MTA3: variants seen among roughly 807,000 people sequenced by gnomAD.
MTA3 encodes the protein metastasis-associated protein MTA3.
In MTA3, 34 loss-of-function variants were observed where a neutral mutation model predicts 83.5. That is an observed-to-expected ratio of 0.41 (90% CI 0.31 to 0.54). The LOEUF (loss-of-function observed/expected upper bound fraction) is 0.54, where lower values mean the gene tolerates loss of function less well. MTA3 is among the 20% of genes least tolerant of loss of function. MTA3 has a pLI of 0.33. For synonymous variants in MTA3, 303 were observed against 252.7 expected (o/e 1.20, Z -1.89); for missense variants, 761 against 726.4 (o/e 1.05, Z -0.55).
At chr2:42,561,432 C>T (rs1313746263) in intron 2 of MTA3, among the ~76,000 whole-genome samples, 5 of 152,036 alleles carry the variant, frequency 3.3e-5, no homozygotes, top group African/African-American at 1.2e-4. Context: ...AAGCGATTCT[C>T]CTGCCTCAGC....
chr2:42,749,061 C>A (rs1315318851), intron 16 of MTA3, among the ~76,000 whole-genome samples: 2 of 152,232 alleles, frequency 1.3e-5, no homozygotes, highest in African/African-American at 2.4e-5. Context: ...GCTCCTTGAG[C>A]CTTCTAGCTG....
At chr2:42,722,796 T>A in intron 15 of MTA3, 93 bp from the exon 16 acceptor site, 1 of 1,415,678 alleles carries the variant, frequency 7.1e-7, no homozygotes, top group East Asian at 2.5e-5. Flanking sequence ...CTCAGCTCAT[T>A]AAGAAATAAG....
intron 6 of MTA3, among the ~76,000 whole-genome samples, chr2:42,654,988 T>C (rs1689031949): frequency 6.6e-6 from 1 of 152,232 alleles, no homozygotes; most frequent in Non-Finnish European, 1.5e-5. Flanking sequence ...ACATCCAGTC[T>C]GTCACTGACA....
At chr2:42,559,665 G>A (rs1677571022) in intron 2 of MTA3, among the ~76,000 whole-genome samples, 2 of 151,736 alleles carry the variant, frequency 1.3e-5, no homozygotes, top group South Asian at 4.2e-4. Context: ...GATCACCTGA[G>A]GTCGGGAGTT....
In MTA3 at chr2:42,755,813, C is replaced by T. The variant is rs1453848321; in HGVS notation, c.*2414C>T. 4.1e-6 allele frequency: 4 copies of T among 985,498 alleles called. No individual in the cohort carries two copies. The highest frequency in any genetic ancestry group is 4.8e-6 in the Non-Finnish European group (4 of 829,984). The allele number at this position is 985,498 out of a possible 1,614,324, so 61.0% of individuals were successfully genotyped here. On this transcript the variant is annotated 3_prime_UTR_variant, in exon 17 of 17. Transcript: ENST00000405094. Reference sequence around the variant, plus strand: ...TGGGTGGACGTGCAGAGACTGTCTGCGCAGCCCCCAGCAGACATGCCCCTG... The same window carrying T: ...TGGGTGGACGTGCAGAGACTGTCTGTGCAGCCCCCAGCAGACATGCCCCTG...
chr2:42,512,509 CAAACAAA>C (rs1231981791), intron 2 of MTA3, among the ~76,000 whole-genome samples: 1 of 152,134 alleles, frequency 6.6e-6, no homozygotes, highest in African/African-American at 2.4e-5. Flanking sequence ...AAAGTAATCA[CAAACAAA>C]AATCTTTATA....
At chr2:42,505,814 G>A (rs1259258580) in intron 2 of MTA3, among the ~76,000 whole-genome samples, 1 of 146,686 alleles carries the variant, frequency 6.8e-6, no homozygotes, top group African/African-American at 2.6e-5. Context: ...TGTCACCCAG[G>A]CTGGAGTGCA....
intron 8 of MTA3, among the ~76,000 whole-genome samples, chr2:42,671,761 C>T (rs1558566627): frequency 1.3e-5 from 2 of 152,254 alleles, no homozygotes; most frequent in African/African-American, 4.8e-5. Flanking sequence ...GGTCAGAGAA[C>T]ATGTGTGCTA....
intron 16 of MTA3, among the ~76,000 whole-genome samples, chr2:42,748,943 G>C (rs534936754): frequency 6.6e-6 from 1 of 152,316 alleles, no homozygotes; most frequent in Admixed American, 6.5e-5. Flanking sequence ...AGTCCGATGG[G>C]ATTTCAATGG....
At position 42,755,033 on chromosome 2, in the gene MTA3, G is replaced by A; in HGVS notation, c.*1634G>A. Reference sequence around the variant, plus strand: ...GCTTGGGGCGCTGAGGGTGGGGCCTGTGTCAGAAGCATTTGGTGAGAGGGG... The same window carrying A: ...GCTTGGGGCGCTGAGGGTGGGGCCTATGTCAGAAGCATTTGGTGAGAGGGG... On this transcript the variant is annotated 3_prime_UTR_variant, in exon 17 of 17. Transcript: ENST00000405094. 1 of 985,724 alleles carries A rather than the reference G, an allele frequency of 1.0e-6. No homozygotes were observed. The allele number at this position is 985,724 out of a possible 1,614,324, so 61.1% of individuals were successfully genotyped here. A position where few individuals can be genotyped will look rare whatever the true frequency, so the allele number is the denominator to read the frequency against.
intron 8 of MTA3, among the ~76,000 whole-genome samples, chr2:42,664,619 T>G (rs547918669): frequency 1.3e-5 from 2 of 152,052 alleles, no homozygotes; most frequent in Admixed American, 1.3e-4. Context: ...GTAGCTGAGA[T>G]TACAGGCGTC....
chr2:42,586,557 A>AAC (rs68029790), intron 3 of MTA3, among the ~76,000 whole-genome samples: 2,101 of 125,554 alleles, frequency 0.017, 38 homozygotes, highest in Non-Finnish European at 0.024. Context: ...AAGGAAGGAA[A>AAC]ACACACACAC....
At chr2:42,738,875 T>C (rs1234841280) in intron 16 of MTA3, among the ~76,000 whole-genome samples, 3 of 152,186 alleles carry the variant, frequency 2.0e-5, no homozygotes, top group African/African-American at 7.2e-5. Context: ...CCAAGGCTTA[T>C]TAGGAAGAGG....
At chr2:42,502,469 A>T (rs957348201) in intron 2 of MTA3, among the ~76,000 whole-genome samples, 13 of 152,142 alleles carry the variant, frequency 8.5e-5, no homozygotes, top group Non-Finnish European at 1.9e-4. Context: ...ACATGCCATG[A>T]TTCTAATTTC....
intron 2 of MTA3, among the ~76,000 whole-genome samples, chr2:42,539,709 G>A (rs1001626271): frequency 5.3e-5 from 8 of 150,724 alleles, no homozygotes; most frequent in African/African-American, 2.0e-4. Flanking sequence ...AGCCTCCTGA[G>A]TAGCTGGGAC....
intron 6 of MTA3, among the ~76,000 whole-genome samples, chr2:42,652,485 A>T (rs569755674): frequency 4.7e-4 from 72 of 152,190 alleles, no homozygotes; most frequent in African/African-American, 1.7e-3. Context: ...TTTGAGGTGA[A>T]ATATTCTGGT....
rs1678072079 is a variant in MTA3 at position 42,568,659 on chromosome 2, C to CGGCAGCGGCGGT, written c.-86_-75dup. ...GGCGAGGCAGCAGCGACGGCGGCGG[C>CGGCAGCGGCGGT]GGCAGCGGCGGTCGCGGCTGAGGCT... On this transcript the variant is annotated 5_prime_UTR_variant, in exon 1 of 17. Transcript: ENST00000405094. The CGGCAGCGGCGGT allele has an allele frequency of 8.5e-6, 8 of 939,894 alleles. No individual in the cohort carries two copies. Among genetic ancestry groups the CGGCAGCGGCGGT allele is most frequent in the African/African-American group, 3.5e-5 (2 of 56,700 alleles). 58.2% of individuals were successfully genotyped at this position (939,894 alleles called of 1,614,324 possible). A position where few individuals can be genotyped will look rare whatever the true frequency, so the allele number is the denominator to read the frequency against.
chr2:42,609,544 T>C lies in MTA3; in HGVS notation c.277T>C (p.Leu93=), dbSNP rs760226343. 1 of 1,613,892 alleles carries C rather than the reference T, an allele frequency of 6.2e-7. No individual in the cohort carries two copies. Among genetic ancestry groups the C allele is most frequent in the East Asian group, 2.2e-5 (1 of 44,868 alleles). Reference sequence around the variant, plus strand: ...TCAGTTGAAACATAGGGAACTCTTTTTGTCACGCCAGTATGAATCTCTGCC... The same window carrying C: ...TCAGTTGAAACATAGGGAACTCTTTCTGTCACGCCAGTATGAATCTCTGCC... The part of the protein sequence containing the change: ...KHQLKHRELF[L]SRQYESLPAT... Residue 93 remains leucine, a synonymous_variant, in exon 4 of 17, where the codon TTG becomes CTG. Coordinates refer to ENST00000405094, the MANE Select transcript of MTA3 (RefSeq NM_001330442.2).
intron 9 of MTA3, among the ~76,000 whole-genome samples, chr2:42,683,729 C>T (rs534027753): frequency 1.3e-5 from 2 of 152,052 alleles, no homozygotes; most frequent in Non-Finnish European, 2.9e-5. Context: ...GGTTCATGCT[C>T]CCGTGAGAAT....
Sources: allele counts gnomAD v4.1 joint callset (sites outside exome capture counted in the v4.1 genomes callset), GRCh38; gene constraint gnomAD v4.1.1; transcripts MANE v1.5; gene names NCBI Gene and HGNC (gene_info 2026-07-23, HGNC 2026-07-21).